Variants in PORCN observed in about 807,000 individuals in gnomAD.
PORCN encodes porcupine O-acyltransferase.
In PORCN, 1 loss-of-function variant was observed where a neutral mutation model predicts 43.0. That is an observed-to-expected ratio of 0.02 (90% CI 0.01 to 0.11). PORCN has a LOEUF of 0.11. PORCN is among the 10% of genes least tolerant of loss of function. The pLI, the probability that PORCN is intolerant of heterozygous loss-of-function variation, is 1.00. For missense variants in PORCN, 240 were observed against 392.1 expected (o/e 0.61, Z 3.28); for synonymous variants, 148 against 166.4 (o/e 0.89, Z 0.85).
rs2061678014 is a variant in PORCN, at chrX:48,511,834, C to T, written c.330-58C>T. Reference sequence around the variant, plus strand: ...CACCTTGGACCCCCTTCCCCTGTCCCCCATGGTCTCAGAGGCCATGAGTGT... The same window carrying T: ...CACCTTGGACCCCCTTCCCCTGTCCTCCATGGTCTCAGAGGCCATGAGTGT... On this transcript the variant is annotated intron_variant, in intron 3 of 14. Coordinates refer to ENST00000326194, the MANE Select transcript of PORCN (RefSeq NM_203475.3). 4 of 1,098,182 alleles carry T rather than the reference C, an allele frequency of 3.6e-6. No individual in the cohort carries two copies. The Admixed American group carries it at 8.7e-5, about 24-fold the overall frequency. The allele number at this position is 1,098,182 out of a possible 1,213,427, so 90.5% of individuals were successfully genotyped here. A position where few individuals can be genotyped will look rare whatever the true frequency, so the allele number is the denominator to read the frequency against.
intron 14 of PORCN, among the ~76,000 whole-genome samples, chrX:48,518,025 CA>C (rs1393738807): frequency 9.2e-6 from 1 of 108,444 alleles, no homozygotes; most frequent in Non-Finnish European, 1.9e-5. Flanking sequence ...CCTTCTGCCT[CA>C]ACCTCCTGAG....
rs1038945982 is a variant in PORCN, at chrX:48,512,675, C to T, written c.642C>T (p.Leu214=). Residue 214 remains leucine, a synonymous_variant, in exon 6 of 15, where the codon CTC becomes CTT. Coordinates refer to ENST00000326194, the MANE Select transcript of PORCN (RefSeq NM_203475.3). Reference sequence around the variant, plus strand: ...TGTCCACTTGCGTGGGCCCCTACCTCTTCCCGTACTTCATCCCCCTCAACG... The same window carrying T: ...TGTCCACTTGCGTGGGCCCCTACCTTTTCCCGTACTTCATCCCCCTCAACG... ...LVLSTCVGPY[L]FPYFIPLNGD... 3.3e-6 allele frequency: 4 copies of T among 1,211,530 alleles called. No homozygotes were observed. In the South Asian group the frequency reaches 5.3e-5, roughly 16 times the overall value.
rs781963757 is a variant in PORCN, at chrX:48,514,604, A to G, written c.925A>G (p.Met309Val). 11 of 1,209,225 alleles carry G rather than the reference A, an allele frequency of 9.1e-6. No homozygotes were observed. The East Asian group carries it at 2.4e-4, about 26-fold the overall frequency. The change falls in exon 10 of 15, where the codon ATG (methionine) becomes GTG (valine). Residue 309 changes from methionine to valine, a missense_variant. Met to Val is a conservative substitution (Grantham distance 21). Transcript: ENST00000326194. The part of the protein sequence containing the change: ...VEVVTSWNLP[M>V]SYWLNNYVFK... ...AGTTGTCACAAGCTGGAACCTGCCC[A>G]TGTCTTATTGGCTAAATAACTGTGA...
intron 10 of PORCN, among the ~76,000 whole-genome samples, 182 bp downstream of exon 10, chrX:48,514,807 G>A (rs1421132961): frequency 9.0e-5 from 10 of 111,426 alleles, no homozygotes; most frequent in African/African-American, 2.9e-4. Context: ...TAGCTCAGGT[G>A]TTGATAAGTG....
At chrX:48,509,626 C>A (rs2061659828) in intron 1 of PORCN, 158 bp from the exon 2 acceptor site, 2 of 1,139,743 alleles carry the variant, frequency 1.8e-6, no homozygotes, top group East Asian at 6.8e-5. Context: ...GTGGCTCAGT[C>A]TGATGTACCT....
Position 48,509,923 on chromosome X carries a change from A to G in PORCN, c.103A>G (p.Ile35Val). 2 of 1,211,254 alleles carry G rather than the reference A, an allele frequency of 1.7e-6. No individual in the cohort carries two copies. Among genetic ancestry groups the G allele is most frequent in the Non-Finnish European group, 2.2e-6 (2 of 895,235 alleles). ...GLDQIWLLLA[I>V]CLACRLLWRL... is the part of the protein sequence containing the mutation. ...TGACCAGATCTGGCTGCTCCTTGCC[A>G]TCTGCCTCGCCTGCCGCCTCCTCTG... is the stretch of plus-strand genomic sequence containing the variant. Residue 35 changes from isoleucine (I) to valine (V), a missense_variant, in exon 2 of 15, where the codon ATC becomes GTC. Transcript: ENST00000326194.
chrX:48,517,535 A>G (rs1488447833), intron 14 of PORCN, among the ~76,000 whole-genome samples: 1 of 112,447 alleles, frequency 8.9e-6, no homozygotes, highest in Non-Finnish European at 1.9e-5. Flanking sequence ...AATAACTTTT[A>G]GGCTGGGCAT....
Position 48,515,737 on chromosome X carries a change from C to T in PORCN, c.967C>T (p.Arg323Cys), listed in dbSNP as rs782308739. The T allele has an allele frequency of 1.2e-5, 15 of 1,209,546 alleles. No individual in the cohort carries two copies. In the South Asian group the frequency reaches 2.1e-4, roughly 17 times the overall value. Residue 323 changes from arginine to cysteine, a missense_variant, in exon 11 of 15, where the codon CGC (arginine) becomes TGC (cysteine). By Grantham distance (180) the Arg-to-Cys change is radical (BLOSUM62 -3). Transcript: ENST00000326194. ...TCCAGATGTTTTCAAGAATGCTCTC[C>T]GCCTGGGGACCTTCTCGGCTGTGCT... ...LNNYVFKNAL[R>C]LGTFSAVLVT... is the part of the protein sequence containing the mutation.
chrX:48,513,083 A>G lies in PORCN; in HGVS notation c.704+231A>G, dbSNP rs782199958. Among the ~76,000 whole-genome samples, 3 of 112,636 alleles carry G rather than the reference A, an allele frequency of 2.7e-5. No individual in the cohort carries two copies. The East Asian group carries it at 8.4e-4, about 31-fold the overall frequency. On this transcript the variant is annotated intron_variant, in intron 7 of 14. Coordinates refer to ENST00000326194, the MANE Select transcript of PORCN (RefSeq NM_203475.3). ...CCATCTGTTCAGCTGTCTCGCTGTT[A>G]GAAGCAAGTCATATTAACTGTCATG...
chrX:48,514,683 C>T (rs1556974852), intron 10 of PORCN, 58 bp downstream of exon 10: 1 of 959,720 alleles, frequency 1.0e-6, no homozygotes, highest in East Asian at 3.1e-5. Flanking sequence ...TTCATACATT[C>T]ATACAACATT....
chrX:48,509,004 T>C lies in PORCN; in HGVS notation c.-137T>C, dbSNP rs782733751. 1 of 113,022 alleles carries C rather than the reference T, an allele frequency of 8.8e-6. No individual in the cohort carries two copies. Among genetic ancestry groups the C allele is most frequent in the South Asian group, 3.6e-4 (1 of 2,815 alleles). The allele number at this position is 113,022 out of a possible 1,213,427, so 9.3% of individuals were successfully genotyped here. A position where few individuals can be genotyped will look rare whatever the true frequency, so the allele number is the denominator to read the frequency against. ...GCCGCGCCGCTCTGGGAGCCGCTGC[T>C]GGTCCCGGCCTTGCGGCCTGCGGGG... is the stretch of plus-strand genomic sequence containing the variant. On this transcript the variant is annotated 5_prime_UTR_variant, in exon 1 of 15. Coordinates refer to ENST00000326194, the MANE Select transcript of PORCN (RefSeq NM_203475.3).
At chrX:48,517,861 T>C (rs1474910969) in intron 14 of PORCN, among the ~76,000 whole-genome samples, 2 of 111,269 alleles carry the variant, frequency 1.8e-5, no homozygotes, top group Non-Finnish European at 3.8e-5. Context: ...CAGGTTTTAC[T>C]TGTGTTAATT....
chrX:48,514,945 G>A (rs782352948), intron 10 of PORCN, among the ~76,000 whole-genome samples: 5 of 111,928 alleles, frequency 4.5e-5, no homozygotes, highest in Non-Finnish European at 9.4e-5. Flanking sequence ...GTCTCCCTGA[G>A]GAGGTGACAT....
intron 2 of PORCN, among the ~76,000 whole-genome samples, chrX:48,510,705 T>C (rs1290184582): frequency 8.9e-6 from 1 of 112,315 alleles, no homozygotes; most frequent in Admixed American, 9.4e-5. Context: ...ATCACCAGAT[T>C]CTCTGTCAAC....
At chrX:48,511,586 A>C (rs1556973907) in intron 3 of PORCN, 99 bp downstream of exon 3, 14 of 778,682 alleles carry the variant, frequency 1.8e-5, no homozygotes, top group Non-Finnish European at 2.8e-5. Flanking sequence ...GGGTGGTGAG[A>C]TTCCCCGGAG....
intron 2 of PORCN, 143 bp from the exon 3 acceptor site, chrX:48,511,152 T>G: frequency 5.4e-6 from 3 of 552,562 alleles, no homozygotes; most frequent in East Asian, 3.6e-5. Flanking sequence ...ACCCAGGTCA[T>G]CCTCCCCTTC....
rs2061699228 is a variant in PORCN, at chrX:48,514,373, G to T, written c.845+8G>T. On this transcript the variant is annotated splice_region_variant and intron_variant, in intron 9 of 14. Coordinates refer to ENST00000326194, the MANE Select transcript of PORCN (RefSeq NM_203475.3). ...GAAGGATCACCTGGAATGGTGGGGG[G>T]GCTTGGGGACCCCCTCTCCCACAGG... 1.7e-6 allele frequency: 2 copies of T among 1,207,541 alleles called. No homozygotes were observed. Among genetic ancestry groups the T allele is most frequent in the Non-Finnish European group, 2.2e-6 (2 of 892,763 alleles).
In PORCN at chrX:48,512,453, C is replaced by T; in HGVS notation, c.501C>T (p.Phe167=). Residue 167 remains phenylalanine (F), a synonymous_variant, in exon 5 of 15, where the codon TTC becomes TTT. Coordinates refer to ENST00000326194, the MANE Select transcript of PORCN (RefSeq NM_203475.3). ...TCTACTTCGTGGGCACCATCGTCTT[C>T]GGGCCCTGGATATCCTTCCACAGCT... is the stretch of plus-strand genomic sequence containing the variant. The part of the protein sequence containing the change: ...GYLYFVGTIV[F]GPWISFHSYL... 4 of 1,209,274 alleles carry T rather than the reference C, an allele frequency of 3.3e-6. No individual in the cohort carries two copies. The highest frequency in any genetic ancestry group is 1.7e-5 in the African/African-American group (1 of 57,833).
rs1602078973 is a variant in PORCN, at chrX:48,516,084, A to C, written c.1111A>C (p.Ile371Leu). ...AGTCCTCCGGAAGCGCCTGGCTCGG[A>C]TCCTCAGTGCCTGTGTCTTGTCAAA... Reference protein sequence around the residue: ...EHVLRKRLARILSACVLSKRC... With the variant: ...EHVLRKRLARLLSACVLSKRC... The change falls in exon 13 of 15, where the codon ATC becomes CTC. Residue 371 changes from isoleucine (I) to leucine (L), a missense_variant. Ile to Leu is a conservative substitution (Grantham distance 5, BLOSUM62 2). Transcript: ENST00000326194. 8.3e-7 allele frequency: 1 copy of C among 1,209,748 alleles called. No individual in the cohort carries two copies. The highest frequency in any genetic ancestry group is 3.0e-5 in the East Asian group (1 of 33,728).
Sources: allele counts gnomAD v4.1 joint callset (sites outside exome capture counted in the v4.1 genomes callset), GRCh38; gene constraint gnomAD v4.1.1; transcripts MANE v1.5; gene names NCBI Gene and HGNC (gene_info 2026-07-23, HGNC 2026-07-21).